The following TRIM31 variants were observed in gnomAD, a reference collection of about 807,000 sequenced individuals.
TRIM31 encodes the protein tripartite motif containing 31.
A neutral mutation model predicts 40.6 loss-of-function variants in TRIM31; 31 were observed. That is an observed-to-expected ratio of 0.76 (90% CI 0.57 to 1.03). The LOEUF (loss-of-function observed/expected upper bound fraction) is 1.03. Ranked by LOEUF, TRIM31 falls within the 50% of genes least tolerant of loss-of-function variation. TRIM31 has a pLI of 0.00. For synonymous variants in TRIM31, 164 were observed against 193.9 expected, an observed-to-expected ratio of 0.85 and a Z score of 1.28; for missense variants, 455 against 497.5, an observed-to-expected ratio of 0.91 and a Z score of 0.81.
At chr6:30,107,153 A>G (rs1185978248) in intron 6 of TRIM31, among the ~76,000 whole-genome samples, 1 of 152,226 alleles carries the variant, frequency 6.6e-6, no homozygotes, top group Non-Finnish European at 1.5e-5. Flanking sequence ...GGCTGAGATC[A>G]TGCCCAGTGG....
At chr6:30,108,776 A>C in intron 5 of TRIM31, 1 of 597,468 alleles carries the variant, frequency 1.7e-6, no homozygotes, top group South Asian at 2.0e-5. Context: ...GCAAGGGGGC[A>C]TTCAGGAAAT....
chr6:30,112,425 A>T lies in TRIM31; in HGVS notation c.381T>A (p.Asn127Lys), dbSNP rs376929796. 1.9e-6 allele frequency: 3 copies of T among 1,612,966 alleles called. No individual in the cohort carries two copies. Among genetic ancestry groups the T allele is most frequent in the East Asian group, 2.2e-5 (1 of 44,892 alleles). ...CRESKDHKSH[N>K]VSLIEEAAQN... ...GGGCAGCTTCTTCGATCAAGCTGAC[A>T]TTATGGGATTTGTGGTCCTTGGATT... The change falls in exon 2 of 9, where the codon AAT becomes AAA. Residue 127 changes from asparagine (N) to lysine (K), a missense_variant. By Grantham distance (94) the Asn-to-Lys change is moderately conservative. Coordinates refer to ENST00000376734, the MANE Select transcript of TRIM31 (RefSeq NM_007028.5).
At position 30,112,578 on chromosome 6, in the gene TRIM31, C is replaced by T. The variant is rs1414906935; in HGVS notation, c.228G>A (p.Glu76=). The change falls in exon 2 of 9, where the codon GAG becomes GAA. Residue 76 remains glutamate, a synonymous_variant. Coordinates refer to ENST00000376734, the MANE Select transcript of TRIM31 (RefSeq NM_007028.5). ...RFNSLLRNLV[E]KIQALQASEV... is the part of the protein sequence containing the mutation. Reference sequence around the variant, plus strand: ...CAGAGGCTTGTAGAGCTTGGATTTTCTCCACCAGATTCCGCAACAGCGAGT... The same window carrying T: ...CAGAGGCTTGTAGAGCTTGGATTTTTTCCACCAGATTCCGCAACAGCGAGT... The T allele has an allele frequency of 4.3e-6, 7 of 1,612,992 alleles. No homozygotes were observed. Among genetic ancestry groups the T allele is most frequent in the Non-Finnish European group, 5.9e-6 (7 of 1,180,046 alleles).
At chr6:30,110,027 TAAA>T (rs9280894) in intron 4 of TRIM31, among the ~76,000 whole-genome samples, 17 of 118,186 alleles carry the variant, frequency 1.4e-4, no homozygotes, top group East Asian at 7.3e-4. Context: ...AGACTCAGTG[TAAA>T]AAAAAAAAAA....
rs1768431456 is a variant in TRIM31 at position 30,103,821 on chromosome 6, C to A, written c.1025-32G>T. ...GGGAGAAGGAAAGGAGAAAAGAGGT[C>A]AGCGGGAGCACCTCGGCAGCAATCC... On this transcript the variant is annotated intron_variant, in intron 8 of 8. Transcript: ENST00000376734. 2.5e-6 allele frequency: 4 copies of A among 1,610,952 alleles called. No homozygotes were observed. In the East Asian group the frequency reaches 6.7e-5, roughly 27 times the overall value.
At chr6:30,106,135 T>C (rs765041778) in intron 6 of TRIM31, among the ~76,000 whole-genome samples, 7 of 152,198 alleles carry the variant, frequency 4.6e-5, no homozygotes, top group Non-Finnish European at 8.8e-5. Context: ...TGGAGAACTA[T>C]AGGGTGGAGC....
chr6:30,103,819 G>A (rs780814563), intron 8 of TRIM31, 30 bp from the exon 9 acceptor site: 2 of 1,611,220 alleles, frequency 1.2e-6, no homozygotes, highest in Non-Finnish European at 1.7e-6. Context: ...GAGAAAAGAG[G>A]TCAGCGGGAG....
intron 5 of TRIM31, 140 bp from the exon 6 acceptor site, chr6:30,108,308 C>T: frequency 1.6e-6 from 1 of 642,630 alleles, no homozygotes; most frequent in Non-Finnish European, 2.8e-6. Flanking sequence ...CCTGTAATCC[C>T]AGCACTTTGG....
chr6:30,111,718 A>G lies in TRIM31; in HGVS notation c.443T>C (p.Val148Ala), dbSNP rs147682149. Reference sequence around the variant, plus strand: ...TGTCTCCTTCTCCTTTTGCTGCAAGACTTGGATCTGCTCTTGAATCTGCCC... The same window carrying G: ...TGTCTCCTTCTCCTTTTGCTGCAAGGCTTGGATCTGCTCTTGAATCTGCCC... ...YQGQIQEQIQ[V>A]LQQKEKETVQ... Residue 148 changes from valine to alanine, a missense_variant, in exon 3 of 9, where the codon GTC becomes GCC. Coordinates refer to ENST00000376734, the MANE Select transcript of TRIM31 (RefSeq NM_007028.5). 86 of 1,614,036 alleles carry G rather than the reference A, an allele frequency of 5.3e-5. No homozygotes were observed. Among genetic ancestry groups the G allele is most frequent in the Non-Finnish European group, 7.0e-5 (83 of 1,180,040 alleles).
chr6:30,105,288 T>C, intron 6 of TRIM31, 46 bp from the exon 7 acceptor site: 1 of 1,497,328 alleles, frequency 6.7e-7, no homozygotes, highest in Non-Finnish European at 9.2e-7. Flanking sequence ...CCAGAGGGGT[T>C]GAGCAAAGAA....
At chr6:30,106,778 A>C (rs1768753248) in intron 6 of TRIM31, among the ~76,000 whole-genome samples, 1 of 152,146 alleles carries the variant, frequency 6.6e-6, no homozygotes, top group Admixed American at 6.5e-5. Context: ...AACTAGAACC[A>C]AACTATTCTT....
In TRIM31 at chr6:30,112,412, C is replaced by T. The variant is rs762330247; in HGVS notation, c.394G>A (p.Glu132Lys). The change falls in exon 2 of 9, where the codon GAA (glutamate) becomes AAA (lysine). Residue 132 changes from glutamate (E) to lysine (K), a missense_variant. Glu to Lys is a moderately conservative substitution (Grantham distance 56). Coordinates refer to ENST00000376734, the MANE Select transcript of TRIM31 (RefSeq NM_007028.5). ...DHKSHNVSLI[E>K]EAAQNYQGQI... ...ACCTGATAATTCTGGGCAGCTTCTTCGATCAAGCTGACATTATGGGATTTG... is the reference window on the plus strand; with the variant it reads ...ACCTGATAATTCTGGGCAGCTTCTTTGATCAAGCTGACATTATGGGATTTG... The T allele has an allele frequency of 4.3e-6, 7 of 1,611,816 alleles. No individual in the cohort carries two copies. Among genetic ancestry groups the T allele is most frequent in the East Asian group, 2.2e-5 (1 of 44,882 alleles).
intron 4 of TRIM31, among the ~76,000 whole-genome samples, chr6:30,109,292 G>A (rs1335357709): frequency 1.3e-5 from 2 of 152,002 alleles, no homozygotes; most frequent in Non-Finnish European, 2.9e-5. Context: ...AGAAGAGTGA[G>A]ATTTAGAAGA....
intron 7 of TRIM31, among the ~76,000 whole-genome samples, chr6:30,104,943 G>A (rs1165513358): frequency 1.3e-5 from 2 of 152,204 alleles, no homozygotes; most frequent in Non-Finnish European, 2.9e-5. Context: ...AAATACATTT[G>A]TAATTTTCTA....
At chr6:30,111,534 G>A (rs1312906819) in intron 3 of TRIM31, 114 bp downstream of exon 3, 3 of 1,069,902 alleles carry the variant, frequency 2.8e-6, no homozygotes, top group Non-Finnish European at 4.2e-6. Flanking sequence ...AGGCGCCGAG[G>A]AGAGGACATG....
chr6:30,109,434 G>A (rs572390033), intron 4 of TRIM31, among the ~76,000 whole-genome samples: 1 of 152,248 alleles, frequency 6.6e-6, no homozygotes, highest in African/African-American at 2.4e-5. Context: ...ATGACTTGAG[G>A]AGGAATCATC....
At chr6:30,105,971 G>A (rs537825978) in intron 6 of TRIM31, among the ~76,000 whole-genome samples, 3 of 152,340 alleles carry the variant, frequency 2.0e-5, no homozygotes, top group Non-Finnish European at 2.9e-5. Context: ...GAGGGGGAAC[G>A]AAGACAGAGC....
chr6:30,104,298 G>A, intron 7 of TRIM31, 131 bp from the exon 8 acceptor site: 1 of 878,172 alleles, frequency 1.1e-6, no homozygotes. Context: ...TCCCCACCCA[G>A]GGGGAAGTGT....
intron 5 of TRIM31, among the ~76,000 whole-genome samples, chr6:30,108,559 C>CAAAAA (rs28381623): frequency 1.0e-5 from 1 of 96,602 alleles, no homozygotes; most frequent in Non-Finnish European, 1.9e-5. Flanking sequence ...AGCTCCATCT[C>CAAAAA]AAAAAAAAAA....
Sources: allele counts gnomAD v4.1 joint callset (sites outside exome capture counted in the v4.1 genomes callset), GRCh38; gene constraint gnomAD v4.1.1; transcripts MANE v1.5; gene names NCBI Gene and HGNC (gene_info 2026-07-23, HGNC 2026-07-21).